CROCC2: variants seen among roughly 807,000 people sequenced by gnomAD.
The protein encoded by CROCC2 is ciliary rootlet coiled-coil protein 2.
CROCC2 carries 163 observed loss-of-function variants against 177.6 expected under a neutral mutation model. The ratio of observed to expected loss-of-function variants is 0.92; its 90% confidence interval spans 0.81 to 1.05. The LOEUF (loss-of-function observed/expected upper bound fraction) is 1.05, where lower values mean the gene tolerates loss of function less well. Among genes scored for constraint, CROCC2 ranks in the 50% least tolerant of loss-of-function variants. The pLI, the probability that CROCC2 is intolerant of heterozygous loss-of-function variation, is 0.00. For missense variants in CROCC2, 1,929 were observed against 1,797.8 expected, an observed-to-expected ratio of 1.07 and a Z score of -1.32; for synonymous variants, 904 against 787.3, an observed-to-expected ratio of 1.15 and a Z score of -2.48.
At position 240,932,748 on chromosome 2, in the gene CROCC2, T is replaced by TC. The variant is rs1331687407; in HGVS notation, c.1092dup (p.Thr365HisfsTer2). Reference sequence around the variant, plus strand: ...TGCCTGGAGCTGGCAGGTAGCAGCATCACTGAATTGGGGGAGCCACGGCGC... The same window carrying TC: ...TGCCTGGAGCTGGCAGGTAGCAGCATCCACTGAATTGGGGGAGCCACGGCGC... On this transcript the variant is annotated frameshift_variant, in exon 9 of 32. Coordinates refer to ENST00000690015, the MANE Select transcript of CROCC2 (RefSeq NM_001351305.2). LOFTEE classifies it high-confidence loss of function. 1 of 1,028,250 alleles carries TC rather than the reference T, an allele frequency of 9.7e-7. No individual in the cohort carries two copies. Among genetic ancestry groups the TC allele is most frequent in the Non-Finnish European group, 1.5e-6 (1 of 669,938 alleles). 63.7% of individuals were successfully genotyped at this position (1,028,250 alleles called of 1,614,324 possible).
rs962940328 is a variant in CROCC2, at chr2:240,973,434, A to G, written c.4401+5172A>G. 6.8e-6 allele frequency among the ~76,000 whole-genome samples: 1 copy of G among 147,744 alleles called. No homozygotes were observed. Among genetic ancestry groups the G allele is most frequent in the African/African-American group, 2.5e-5 (1 of 39,684 alleles). On this transcript the variant is annotated intron_variant, in intron 27 of 31. Transcript: ENST00000690015. The surrounding 1 kb of genome is among the most constrained non-coding windows in gnomAD (Gnocchi z 4.7). ...TCATGCCCGCTCAGAAAGGCCCCCC[A>G]TGCCACCCTTGGACTGGCGCCCAGT...
chr2:240,918,697 C>T lies in CROCC2; in HGVS notation c.79-29C>T, dbSNP rs1361768516. The stretch of plus-strand genomic sequence containing the variant: ...CCTGGCAGCTGTTGGGGGCTGCCAT[C>T]TCCAGGTATCTCTGGGGGTGTCTTT... On this transcript the variant is annotated intron_variant, in intron 1 of 31. Coordinates refer to ENST00000690015, the MANE Select transcript of CROCC2 (RefSeq NM_001351305.2). The surrounding 1 kb of genome is among the most constrained non-coding windows in gnomAD (Gnocchi z 6.3). The T allele has an allele frequency of 7.4e-6, 4 of 543,466 alleles. No homozygotes were observed. The highest frequency in any genetic ancestry group is 1.3e-5 in the Non-Finnish European group (4 of 301,298). 33.7% of individuals were successfully genotyped at this position (543,466 alleles called of 1,614,324 possible).
In CROCC2 at chr2:240,958,223, C is replaced by T. The variant is rs1007046846; in HGVS notation, c.2944-1078C>T. 23 of 978,252 alleles carry T rather than the reference C, an allele frequency of 2.4e-5. No individual in the cohort carries two copies. In the Middle Eastern group the frequency reaches 2.7e-3, roughly 113 times the overall value. The allele number at this position is 978,252 out of a possible 1,614,324, so 60.6% of individuals were successfully genotyped here. Reference sequence around the variant, plus strand: ...GCTGAGTCACCACTGCCATCGGGCTCCCAGCCGATGCCCTGTCCCTGAGGC... The same window carrying T: ...GCTGAGTCACCACTGCCATCGGGCTTCCAGCCGATGCCCTGTCCCTGAGGC... On this transcript the variant is annotated intron_variant, in intron 19 of 31. Coordinates refer to ENST00000690015, the MANE Select transcript of CROCC2 (RefSeq NM_001351305.2). The surrounding 1 kb of genome is among the most constrained non-coding windows in gnomAD (Gnocchi z 6.7).
intron 6 of CROCC2, among the ~76,000 whole-genome samples, chr2:240,930,679 C>T (rs572908840): frequency 6.6e-5 from 10 of 152,184 alleles, no homozygotes; most frequent in African/African-American, 2.4e-4. Flanking sequence ...CAGGAGGAGT[C>T]GGGGGCTCAG....
At chr2:240,964,019 G>T in intron 21 of CROCC2, 2 of 588,480 alleles carry the variant, frequency 3.4e-6, no homozygotes, top group Non-Finnish European at 6.0e-6. Flanking sequence ...TTCCCATCCA[G>T]CAGGCAAGAT....
At chr2:240,979,680 A>T (rs372195785) in intron 27 of CROCC2, among the ~76,000 whole-genome samples, 1 of 25,970 alleles carries the variant, frequency 3.9e-5, no homozygotes, top group Admixed American at 3.5e-4. Context: ...TAGGAGCCTC[A>T]GGAGCCCAGG....
intron 1 of CROCC2, among the ~76,000 whole-genome samples, chr2:240,914,031 G>A (rs182801064): frequency 2.0e-5 from 3 of 152,390 alleles, no homozygotes; most frequent in East Asian, 1.9e-4. Flanking sequence ...GGCAGCAGCC[G>A]CAGCATGGCT....
intron 31 of CROCC2, among the ~76,000 whole-genome samples, chr2:240,992,212 C>T (rs1463928058): frequency 3.3e-5 from 5 of 152,150 alleles, no homozygotes; most frequent in African/African-American, 9.7e-5. Flanking sequence ...TCCAAAGGGC[C>T]GCATGCTTTA....
chr2:240,926,808 C>T (rs780102713), intron 5 of CROCC2, among the ~76,000 whole-genome samples: 7 of 152,268 alleles, frequency 4.6e-5, no homozygotes, highest in Non-Finnish European at 8.8e-5. Context: ...GAGGGAATGC[C>T]GGCCTCTGCA....
At position 240,966,273 on chromosome 2, in the gene CROCC2, C is replaced by A. The variant is rs115010054; in HGVS notation, c.4010C>A (p.Pro1337Gln). ...CCTGGGCAACAGGGTACCAGCCCCCCAGCCAGGCCCCACTCGCCCCTCCGA... is the reference window on the plus strand; with the variant it reads ...CCTGGGCAACAGGGTACCAGCCCCCAAGCCAGGCCCCACTCGCCCCTCCGA... ...ALPGQQGTSP[P>Q]ARPHSPLRWP... The change falls in exon 25 of 32, where the codon CCA (proline) becomes CAA (glutamine). Residue 1337 changes from proline (P) to glutamine (Q), a missense_variant. By Grantham distance (76) the Pro-to-Gln change is moderately conservative. Coordinates refer to ENST00000690015, the MANE Select transcript of CROCC2 (RefSeq NM_001351305.2). 2.9e-3 allele frequency: 1,554 copies of A among 537,548 alleles called. 5 individuals are homozygous for A. The highest frequency in any genetic ancestry group is 3.4e-3 in the Non-Finnish European group (1,192 of 350,680). 33.3% of individuals were successfully genotyped at this position (537,548 alleles called of 1,614,324 possible). A position where few individuals can be genotyped will look rare whatever the true frequency, so the allele number is the denominator to read the frequency against.
chr2:240,943,411 C>CTCT (rs565802720), intron 14 of CROCC2, among the ~76,000 whole-genome samples: 1 of 151,720 alleles, frequency 6.6e-6, no homozygotes, highest in Non-Finnish European at 1.5e-5. Context: ...TATCTGAACT[C>CTCT]TAAGTTATAT....
intron 3 of CROCC2, 75 bp from the exon 4 acceptor site, chr2:240,922,464 G>T (rs1015224621): frequency 3.2e-5 from 20 of 626,076 alleles, no homozygotes; most frequent in Non-Finnish European, 5.0e-5. Context: ...GGTCGGCTTT[G>T]TGCCCAAGAT....
At position 240,972,434 on chromosome 2, in the gene CROCC2, G is replaced by C. The variant is rs1485863409; in HGVS notation, c.4401+4172G>C. Reference sequence around the variant, plus strand: ...GCTGCTTGCCTCACAGGGATGGAGGGCTCCCCGGGTCCCCCAGCCACAGCA... The same window carrying C: ...GCTGCTTGCCTCACAGGGATGGAGGCCTCCCCGGGTCCCCCAGCCACAGCA... On this transcript the variant is annotated intron_variant, in intron 27 of 31. Coordinates refer to ENST00000690015, the MANE Select transcript of CROCC2 (RefSeq NM_001351305.2). The surrounding 1 kb of genome is among the most constrained non-coding windows in gnomAD (Gnocchi z 7.1). 6.6e-6 allele frequency among the ~76,000 whole-genome samples: 1 copy of C among 152,202 alleles called. No individual in the cohort carries two copies. The highest frequency in any genetic ancestry group is 2.1e-4 in the South Asian group (1 of 4,820).
intron 20 of CROCC2, among the ~76,000 whole-genome samples, chr2:240,961,992 C>T (rs1289839922): frequency 6.9e-6 from 1 of 145,462 alleles, no homozygotes; most frequent in Non-Finnish European, 1.5e-5. Flanking sequence ...TGCACCGGCC[C>T]ACACACACAC....
intron 8 of CROCC2, 27 bp downstream of exon 8, chr2:240,932,441 T>C (rs537925575): frequency 1.4e-6 from 1 of 717,376 alleles, no homozygotes; most frequent in Non-Finnish European, 2.6e-6. Flanking sequence ...GGGGTGGCTG[T>C]GTGGCAGGGG....
At chr2:240,993,013 C>T (rs1221533892) in intron 31 of CROCC2, 53 bp from the exon 32 acceptor site, 2 of 713,296 alleles carry the variant, frequency 2.8e-6, no homozygotes, top group South Asian at 1.5e-5. Context: ...GCAGGAGCCC[C>T]CATGTGTCCC....
At position 240,948,969 on chromosome 2, in the gene CROCC2, A is replaced by G; in HGVS notation, c.2364-10A>G. On this transcript the variant is annotated splice_polypyrimidine_tract_variant and intron_variant, in intron 15 of 31. Transcript: ENST00000690015. Reference sequence around the variant, plus strand: ...GGATGACTTGCCCATTGTTTGCTGCATCTTTGCAGGGTGGAGAGGGACTCC... The same window carrying G: ...GGATGACTTGCCCATTGTTTGCTGCGTCTTTGCAGGGTGGAGAGGGACTCC... 6.5e-7 allele frequency: 1 copy of G among 1,550,348 alleles called. No individual in the cohort carries two copies. The highest frequency in any genetic ancestry group is 1.4e-5 in the African/African-American group (1 of 73,184).
rs151102853 is a variant in CROCC2, at chr2:240,963,833, G to A, written c.3305+60G>A. The A allele has an allele frequency of 1.5e-4, 226 of 1,514,552 alleles. No individual in the cohort carries two copies. The African/African-American group carries it at 1.6e-3, about 11-fold the overall frequency. The allele number at this position is 1,514,552 out of a possible 1,614,324, so 93.8% of individuals were successfully genotyped here. ...CTGCAGCCTGCTGCCCACCCAGGCC[G>A]TAGGGAGGATGGGGCAAGGGGGCTA... On this transcript the variant is annotated intron_variant, in intron 21 of 31. Coordinates refer to ENST00000690015, the MANE Select transcript of CROCC2 (RefSeq NM_001351305.2).
chr2:240,950,524 T>G lies in CROCC2; in HGVS notation c.2829+14T>G, dbSNP rs907818121. 3 of 1,543,304 alleles carry G rather than the reference T, an allele frequency of 1.9e-6. No individual in the cohort carries two copies. The African/African-American group carries it at 4.1e-5, about 21-fold the overall frequency. On this transcript the variant is annotated intron_variant, in intron 18 of 31. Transcript: ENST00000690015. ...AAGATGCAACAGGTGATGGTGAGGCTGGGGGGCAGCGGGATTGCTCACACC... is the reference window on the plus strand; with the variant it reads ...AAGATGCAACAGGTGATGGTGAGGCGGGGGGGCAGCGGGATTGCTCACACC...
Sources: allele counts gnomAD v4.1 joint callset (sites outside exome capture counted in the v4.1 genomes callset), GRCh38; gene constraint gnomAD v4.1.1; non-coding constraint Gnocchi (gnomAD v3.1); transcripts MANE v1.5; gene names NCBI Gene and HGNC (gene_info 2026-07-23, HGNC 2026-07-21).